Variants in CHML observed in about 807,000 individuals in gnomAD.
The protein encoded by CHML is CHM like Rab escort protein.
A neutral mutation model predicts 30.4 loss-of-function variants in CHML; 20 were observed. The observed-to-expected ratio is 0.66, with a 90% CI of 0.46 to 0.95. CHML has a LOEUF of 0.95. Ranked by LOEUF, CHML falls within the 40% of genes least tolerant of loss-of-function variation. The pLI is 0.00. For missense variants in CHML, 795 were observed against 768.5 expected, an observed-to-expected ratio of 1.03 and a Z score of -0.41; for synonymous variants, 281 against 275.0, an observed-to-expected ratio of 1.02 and a Z score of -0.22.
rs1486739290 is a variant in CHML, at chr1:241,629,607, A to G, written c.*4189T>C. 2.6e-5 allele frequency: 4 copies of G among 152,094 alleles called. No homozygotes were observed. Among genetic ancestry groups the G allele is most frequent in the African/African-American group, 9.7e-5 (4 of 41,446 alleles). The allele number at this position is 152,094 out of a possible 1,614,324, so 9.4% of individuals were successfully genotyped here. A position where few individuals can be genotyped will look rare whatever the true frequency, so the allele number is the denominator to read the frequency against. On this transcript the variant is annotated 3_prime_UTR_variant, in exon 2 of 2. Transcript: ENST00000366553. ...TTTGTCTTTTTCCTATTTACTACAC[A>G]TTTAAAACTTTTTCTCTTAGTTGAT...
In CHML at chr1:241,640,007, A is replaced by C. The variant is rs1247934133; in HGVS notation, c.-433T>G. On this transcript the variant is annotated 5_prime_UTR_variant, in exon 1 of 2. Coordinates refer to ENST00000366553, the MANE Select transcript of CHML (RefSeq NM_001381853.1). ...GGACACCAGCAGGTCGCTGAGGCTGATGTTGACCAGGAGGAGGTGAGTGGG... is the reference window on the plus strand; with the variant it reads ...GGACACCAGCAGGTCGCTGAGGCTGCTGTTGACCAGGAGGAGGTGAGTGGG... 11 of 1,613,222 alleles carry C rather than the reference A, an allele frequency of 6.8e-6. No homozygotes were observed. The highest frequency in any genetic ancestry group is 9.3e-6 in the Non-Finnish European group (11 of 1,179,720).
rs371441164 is a variant in CHML at position 241,634,547 on chromosome 1, T to C, written c.1220A>G (p.Gln407Arg). 21 of 1,613,850 alleles carry C rather than the reference T, an allele frequency of 1.3e-5. No homozygotes were observed. In the African/African-American group the frequency reaches 2.0e-4, roughly 15 times the overall value. ...GGIYCLRHKV[Q>R]CFVVDKESGR... ...AGATTCTTTGTCGACTACAAAGCATTGTACTTTATGACGAAGACAATAGAT... is the reference window on the plus strand; with the variant it reads ...AGATTCTTTGTCGACTACAAAGCATCGTACTTTATGACGAAGACAATAGAT... The change falls in exon 2 of 2, where the codon CAA (glutamine) becomes CGA (arginine). Residue 407 changes from glutamine (Q) to arginine (R), a missense_variant. Physicochemically the swap from Gln to Arg is conservative, Grantham distance 43. Coordinates refer to ENST00000366553, the MANE Select transcript of CHML (RefSeq NM_001381853.1).
At position 241,640,252 on chromosome 1, in the gene CHML, C is replaced by A; in HGVS notation, c.-678G>T. 14 of 1,221,180 alleles carry A rather than the reference C, an allele frequency of 1.1e-5. No homozygotes were observed. The highest frequency in any genetic ancestry group is 1.4e-5 in the Non-Finnish European group (14 of 983,398). The allele number at this position is 1,221,180 out of a possible 1,614,324, so 75.6% of individuals were successfully genotyped here. ...GGCCGCCGCTGCGGTTCCCCGAGTA[C>A]ATGGCCCGGCGCCGGCGCGCCTGGC... On this transcript the variant is annotated 5_prime_UTR_variant, in exon 1 of 2. It removes an upstream start codon present in the reference 5' UTR. Coordinates refer to ENST00000366553, the MANE Select transcript of CHML (RefSeq NM_001381853.1).
At position 241,640,234 on chromosome 1, in the gene CHML, G is replaced by A; in HGVS notation, c.-660C>T. 2.3e-6 allele frequency: 3 copies of A among 1,315,892 alleles called. No individual in the cohort carries two copies. Among genetic ancestry groups the A allele is most frequent in the Admixed American group, 8.4e-5 (2 of 23,838 alleles). The allele number at this position is 1,315,892 out of a possible 1,614,324, so 81.5% of individuals were successfully genotyped here. ...CGCCGTCCCAGTAGCCGTGGCCGCC[G>A]CTGCGGTTCCCCGAGTACATGGCCC... On this transcript the variant is annotated 5_prime_UTR_variant, in exon 1 of 2. Coordinates refer to ENST00000366553, the MANE Select transcript of CHML (RefSeq NM_001381853.1).
In CHML at chr1:241,633,782, G is replaced by T. The variant is rs772627535; in HGVS notation, c.*14C>A. On this transcript the variant is annotated 3_prime_UTR_variant, in exon 2 of 2. Coordinates refer to ENST00000366553, the MANE Select transcript of CHML (RefSeq NM_001381853.1). ...TGAAGGAGGTCCAAAACAGCATTTC[G>T]AGATTGCTCTTTTCTAATTTTGAAG... The T allele has an allele frequency of 1.1e-5, 17 of 1,611,944 alleles. No homozygotes were observed. The highest frequency in any genetic ancestry group is 2.7e-5 in the African/African-American group (2 of 74,668).
In CHML at chr1:241,631,465, T is replaced by TA. The variant is rs1240610508; in HGVS notation, c.*2330dup. On this transcript the variant is annotated 3_prime_UTR_variant, in exon 2 of 2. Coordinates refer to ENST00000366553, the MANE Select transcript of CHML (RefSeq NM_001381853.1). ...ATTTCAAGTATTTCAGTTGTTCTGTTAGATTTAAACTTTAGGATAAAGTTT... is the reference window on the plus strand; with the variant it reads ...ATTTCAAGTATTTCAGTTGTTCTGTTAAGATTTAAACTTTAGGATAAAGTTT... 6.6e-6 allele frequency: 1 copy of TA among 152,084 alleles called. No individual in the cohort carries two copies. The highest frequency in any genetic ancestry group is 2.4e-5 in the African/African-American group (1 of 41,416). The allele number at this position is 152,084 out of a possible 1,614,324, so 9.4% of individuals were successfully genotyped here. A position where few individuals can be genotyped will look rare whatever the true frequency, so the allele number is the denominator to read the frequency against.
intron 1 of CHML, among the ~76,000 whole-genome samples, chr1:241,639,640 G>A (rs1243102810): frequency 6.6e-6 from 1 of 151,726 alleles, no homozygotes; most frequent in Non-Finnish European, 1.5e-5. Context: ...AGAGACCACA[G>A]GAATGGAGTC....
At position 241,631,891 on chromosome 1, in the gene CHML, T is replaced by C. The variant is rs1381601624; in HGVS notation, c.*1905A>G. On this transcript the variant is annotated 3_prime_UTR_variant, in exon 2 of 2. Coordinates refer to ENST00000366553, the MANE Select transcript of CHML (RefSeq NM_001381853.1). ...AGCGCCTACACTCTCTAACAGTGAA[T>C]GTTAGTAGAAAGATCAAAGGTTTTA... 1 of 152,168 alleles carries C rather than the reference T, an allele frequency of 6.6e-6. No homozygotes were observed. Among genetic ancestry groups the C allele is most frequent in the African/African-American group, 2.4e-5 (1 of 41,438 alleles). The allele number at this position is 152,168 out of a possible 1,614,324, so 9.4% of individuals were successfully genotyped here.
intron 1 of CHML, among the ~76,000 whole-genome samples, chr1:241,639,517 T>G (rs2148033937): frequency 6.6e-6 from 1 of 152,200 alleles, no homozygotes; most frequent in African/African-American, 2.4e-5. Flanking sequence ...CCTCGTCTCT[T>G]TCCTCAAAGT....
In CHML at chr1:241,630,476, T is replaced by C. The variant is rs1664587794; in HGVS notation, c.*3320A>G. ...AAATGAGATTTTTAAAAATTGTGTA[T>C]CCTGCAACTTCTTGAATTAGTCTTT... On this transcript the variant is annotated 3_prime_UTR_variant, in exon 2 of 2. Coordinates refer to ENST00000366553, the MANE Select transcript of CHML (RefSeq NM_001381853.1). The C allele has an allele frequency of 6.6e-6, 1 of 152,106 alleles. No individual in the cohort carries two copies. Among genetic ancestry groups the C allele is most frequent in the East Asian group, 1.9e-4 (1 of 5,194 alleles). 9.4% of individuals were successfully genotyped at this position (152,106 alleles called of 1,614,324 possible).
At chr1:241,638,142 T>C (rs1314127762) in intron 1 of CHML, among the ~76,000 whole-genome samples, 1 of 152,150 alleles carries the variant, frequency 6.6e-6, no homozygotes, top group South Asian at 2.1e-4. Flanking sequence ...CACCTCTACA[T>C]TAAAAACAGG....
rs977640147 is a variant in CHML, at chr1:241,640,301, C to T, written c.-727G>A. 73 of 1,113,572 alleles carry T rather than the reference C, an allele frequency of 6.6e-5. No homozygotes were observed. Among genetic ancestry groups the T allele is most frequent in the Non-Finnish European group, 7.0e-5 (64 of 916,080 alleles). The allele number at this position is 1,113,572 out of a possible 1,614,324, so 69.0% of individuals were successfully genotyped here. A position where few individuals can be genotyped will look rare whatever the true frequency, so the allele number is the denominator to read the frequency against. ...GCGGGCGGAGGCGCTCAGCTTGCGG[C>T]GGGGCTCGCGGCGCGCTCCGCACTG... On this transcript the variant is annotated 5_prime_UTR_variant, in exon 1 of 2. Coordinates refer to ENST00000366553, the MANE Select transcript of CHML (RefSeq NM_001381853.1).
Position 241,639,985 on chromosome 1 carries a change from C to T in CHML, c.-411G>A. On this transcript the variant is annotated 5_prime_UTR_variant, in exon 1 of 2. Transcript: ENST00000366553. Reference sequence around the variant, plus strand: ...AGGTAAAGGTGACCCCGAAGAGGGACACCAGCAGGTCGCTGAGGCTGATGT... The same window carrying T: ...AGGTAAAGGTGACCCCGAAGAGGGATACCAGCAGGTCGCTGAGGCTGATGT... 1 of 1,612,720 alleles carries T rather than the reference C, an allele frequency of 6.2e-7. No homozygotes were observed.
rs1664825685 is a variant in CHML at position 241,635,017 on chromosome 1, T to A, written c.750A>T (p.Lys250Asn). Reference protein sequence around the residue: ...SQGLLIDLLIKSDVSRYVEFK... With the variant: ...SQGLLIDLLINSDVSRYVEFK... ...ATTCTACATAACGACTAACATCTGA[T>A]TTGATTAAAAGATCAATTAGCAATC... The change falls in exon 2 of 2, where the codon AAA becomes AAT. Residue 250 changes from lysine to asparagine, a missense_variant. Lys to Asn is a moderately conservative substitution (Grantham distance 94). Coordinates refer to ENST00000366553, the MANE Select transcript of CHML (RefSeq NM_001381853.1). The A allele has an allele frequency of 6.2e-7, 1 of 1,613,456 alleles. No individual in the cohort carries two copies. Among genetic ancestry groups the A allele is most frequent in the East Asian group, 2.2e-5 (1 of 44,860 alleles).
chr1:241,640,248 A>T lies in CHML; in HGVS notation c.-674T>A, dbSNP rs1458487967. 8.0e-7 allele frequency: 1 copy of T among 1,256,760 alleles called. No individual in the cohort carries two copies. Among genetic ancestry groups the T allele is most frequent in the Non-Finnish European group, 9.9e-7 (1 of 1,005,580 alleles). The allele number at this position is 1,256,760 out of a possible 1,614,324, so 77.9% of individuals were successfully genotyped here. On this transcript the variant is annotated 5_prime_UTR_variant, in exon 1 of 2. Transcript: ENST00000366553. ...CCGTGGCCGCCGCTGCGGTTCCCCGAGTACATGGCCCGGCGCCGGCGCGCC... is the reference window on the plus strand; with the variant it reads ...CCGTGGCCGCCGCTGCGGTTCCCCGTGTACATGGCCCGGCGCCGGCGCGCC...
chr1:241,634,527 C>G lies in CHML; in HGVS notation c.1240G>C (p.Glu414Gln). 6.2e-7 allele frequency: 1 copy of G among 1,613,972 alleles called. No homozygotes were observed. The highest frequency in any genetic ancestry group is 8.5e-7 in the Non-Finnish European group (1 of 1,179,902). The change falls in exon 2 of 2, where the codon GAA becomes CAA. Residue 414 changes from glutamate (E) to glutamine (Q), a missense_variant. Glu to Gln is a conservative substitution (Grantham distance 29). Transcript: ENST00000366553. ...HKVQCFVVDKESGRCKAIIDH... is the reference protein window; with the variant it reads ...HKVQCFVVDKQSGRCKAIIDH... Reference sequence around the variant, plus strand: ...ATAATTGCTTTACATCGTCCAGATTCTTTGTCGACTACAAAGCATTGTACT... The same window carrying G: ...ATAATTGCTTTACATCGTCCAGATTGTTTGTCGACTACAAAGCATTGTACT...
chr1:241,639,698 C>T (rs1195552326), intron 1 of CHML, among the ~76,000 whole-genome samples, 184 bp downstream of exon 1: 3 of 151,092 alleles, frequency 2.0e-5, no homozygotes, highest in Non-Finnish European at 3.0e-5. Context: ...AAGGCACCCG[C>T]CATGCGGCTG....
chr1:241,633,717 T>C lies in CHML; in HGVS notation c.*79A>G, dbSNP rs552237608. 1 of 1,452,080 alleles carries C rather than the reference T, an allele frequency of 6.9e-7. No homozygotes were observed. The highest frequency in any genetic ancestry group is 1.2e-5 in the South Asian group (1 of 81,994). 89.9% of individuals were successfully genotyped at this position (1,452,080 alleles called of 1,614,324 possible). A position where few individuals can be genotyped will look rare whatever the true frequency, so the allele number is the denominator to read the frequency against. On this transcript the variant is annotated 3_prime_UTR_variant, in exon 2 of 2. Coordinates refer to ENST00000366553, the MANE Select transcript of CHML (RefSeq NM_001381853.1). ...ATATATAACCACTTCTAATTACTCA[T>C]ATGGGAAACTGTCCTTTAAATGAGA...
At position 241,640,225 on chromosome 1, in the gene CHML, G is replaced by T; in HGVS notation, c.-651C>A. 1.5e-6 allele frequency: 2 copies of T among 1,329,166 alleles called. No individual in the cohort carries two copies. Among genetic ancestry groups the T allele is most frequent in the Non-Finnish European group, 1.9e-6 (2 of 1,047,176 alleles). The allele number at this position is 1,329,166 out of a possible 1,614,324, so 82.3% of individuals were successfully genotyped here. ...CGGCCCCGCCGCCGTCCCAGTAGCCGTGGCCGCCGCTGCGGTTCCCCGAGT... is the reference window on the plus strand; with the variant it reads ...CGGCCCCGCCGCCGTCCCAGTAGCCTTGGCCGCCGCTGCGGTTCCCCGAGT... On this transcript the variant is annotated 5_prime_UTR_variant, in exon 1 of 2. Coordinates refer to ENST00000366553, the MANE Select transcript of CHML (RefSeq NM_001381853.1).
Sources: allele counts gnomAD v4.1 joint callset (sites outside exome capture counted in the v4.1 genomes callset), GRCh38; gene constraint gnomAD v4.1.1; transcripts MANE v1.5; gene names NCBI Gene and HGNC (gene_info 2026-07-23, HGNC 2026-07-21).